MACROH2A2: variants seen among roughly 807,000 people sequenced by gnomAD.
The protein encoded by MACROH2A2 is macroH2A.2 histone.
Under a neutral mutation model 37.6 loss-of-function variants are expected in MACROH2A2, and 6 were observed. The observed-to-expected ratio is 0.16, with a 90% CI of 0.09 to 0.32. The LOEUF (loss-of-function observed/expected upper bound fraction) is 0.32, where lower values mean the gene tolerates loss of function less well. MACROH2A2 is among the 10% of genes least tolerant of loss of function. The probability of loss-of-function intolerance (pLI) is 1.00; values close to 1 mark genes in which losing one functional copy is unlikely to be tolerated. For synonymous variants in MACROH2A2, 192 were observed against 202.7 expected (o/e 0.95, Z 0.45); for missense variants, 290 against 485.9 (o/e 0.60, Z 3.79).
At chr10:70,097,345 T>A (rs2072281950) in intron 6 of MACROH2A2, among the ~76,000 whole-genome samples, 1 of 152,098 alleles carries the variant, frequency 6.6e-6, no homozygotes, top group South Asian at 2.1e-4. Flanking sequence ...CCCATAGGGG[T>A]GCTGTGATGG....
chr10:70,061,303 T>C (rs892993131), intron 1 of MACROH2A2, among the ~76,000 whole-genome samples: 7 of 152,264 alleles, frequency 4.6e-5, no homozygotes, highest in African/African-American at 1.7e-4. Context: ...GAAGGCAAAC[T>C]GGTTCATTTT....
At chr10:70,074,051 T>G (rs1016567000) in intron 1 of MACROH2A2, among the ~76,000 whole-genome samples, 1 of 152,214 alleles carries the variant, frequency 6.6e-6, no homozygotes, top group Non-Finnish European at 1.5e-5. Context: ...TTTTCTTTGC[T>G]CCTGACCGTT....
chr10:70,074,210 G>A (rs760909159), intron 1 of MACROH2A2, among the ~76,000 whole-genome samples: 1 of 152,170 alleles, frequency 6.6e-6, no homozygotes, highest in Non-Finnish European at 1.5e-5. Context: ...CCAGGAATAT[G>A]TGATTATTTT....
intron 1 of MACROH2A2, among the ~76,000 whole-genome samples, chr10:70,073,410 A>C (rs72642215): frequency 0.044 from 6,738 of 152,314 alleles, 448 homozygotes; most frequent in East Asian, 0.24. Context: ...ACAACGTGAT[A>C]AAACAACATG....
chr10:70,062,612 C>T (rs2072056286), intron 1 of MACROH2A2, among the ~76,000 whole-genome samples: 1 of 152,092 alleles, frequency 6.6e-6, no homozygotes, highest in Admixed American at 6.5e-5. Flanking sequence ...TAAAAATAAG[C>T]CGTCTCGTGA....
At chr10:70,102,673 T>A (rs1214411161) in intron 7 of MACROH2A2, among the ~76,000 whole-genome samples, 1 of 151,634 alleles carries the variant, frequency 6.6e-6, no homozygotes, top group Non-Finnish European at 1.5e-5. Context: ...GCCAAGATCG[T>A]GCCACTGCAC....
chr10:70,106,210 AC>A (rs1193388375), intron 7 of MACROH2A2, among the ~76,000 whole-genome samples: 1 of 152,174 alleles, frequency 6.6e-6, no homozygotes, highest in Non-Finnish European at 1.5e-5. Flanking sequence ...CAGCACTGCC[AC>A]CCTCAGAATG....
Position 70,075,888 on chromosome 10 carries a change from C to T in MACROH2A2, c.172+58C>T, listed in dbSNP as rs1478984692. 1.4e-6 allele frequency: 2 copies of T among 1,440,404 alleles called. No homozygotes were observed. Among genetic ancestry groups the T allele is most frequent in the African/African-American group, 1.4e-5 (1 of 71,476 alleles). 89.2% of individuals were successfully genotyped at this position (1,440,404 alleles called of 1,614,324 possible). A position where few individuals can be genotyped will look rare whatever the true frequency, so the allele number is the denominator to read the frequency against. ...CCCAGGTCCCCACCCTCCCCTGGGT[C>T]CCCCTCGCAGGCTGGGGAGGGATGC... is the stretch of plus-strand genomic sequence containing the variant. On this transcript the variant is annotated intron_variant, in intron 2 of 8. Transcript: ENST00000373255. The surrounding 1 kb of genome is among the most constrained non-coding windows in gnomAD (Gnocchi z 5.0).
At chr10:70,081,900 T>G (rs2072179154) in intron 2 of MACROH2A2, among the ~76,000 whole-genome samples, 1 of 152,218 alleles carries the variant, frequency 6.6e-6, no homozygotes, top group Non-Finnish European at 1.5e-5. Context: ...AACCCCATTT[T>G]CCATGATGTA....
rs1461182069 is a variant in MACROH2A2 at position 70,109,187 on chromosome 10, C to T, written c.933C>T (p.Phe311=). 2 of 1,613,904 alleles carry T rather than the reference C, an allele frequency of 1.2e-6. No individual in the cohort carries two copies. Among genetic ancestry groups the T allele is most frequent in the Middle Eastern group, 1.7e-4 (1 of 6,020 alleles). The part of the protein sequence containing the change: ...AEDKKLKSVA[F]PPFPSGRNCF... The stretch of plus-strand genomic sequence containing the variant: ...ACAAGAAGCTAAAGTCCGTCGCGTT[C>T]CCGCCTTTCCCCAGCGGCAGGTAAG... The change falls in exon 8 of 9, where the codon TTC becomes TTT. Residue 311 remains phenylalanine (F), a synonymous_variant. Coordinates refer to ENST00000373255, the MANE Select transcript of MACROH2A2 (RefSeq NM_018649.3).
intron 1 of MACROH2A2, among the ~76,000 whole-genome samples, chr10:70,066,319 C>A (rs2072079174): frequency 6.6e-6 from 1 of 152,092 alleles, no homozygotes; most frequent in East Asian, 1.9e-4. Context: ...CAGAGCAAGA[C>A]TCTCAAAAAA....
At chr10:70,079,565 G>GCGCGCGCACGCGCA (rs1386558755) in intron 2 of MACROH2A2, among the ~76,000 whole-genome samples, 4 of 126,216 alleles carry the variant, frequency 3.2e-5, no homozygotes, top group Non-Finnish European at 6.5e-5. Flanking sequence ...GCGCGCGCGC[G>GCGCGCGCACGCGCA]CACACACACA....
chr10:70,108,314 T>G (rs903695880), intron 7 of MACROH2A2, among the ~76,000 whole-genome samples: 17 of 152,176 alleles, frequency 1.1e-4, no homozygotes, highest in Non-Finnish European at 2.5e-4. Context: ...CAACACAAAT[T>G]TGTCTTCTTA....
intron 1 of MACROH2A2, among the ~76,000 whole-genome samples, chr10:70,064,988 T>TATCTGCCTATA (rs1564540571): frequency 6.6e-6 from 1 of 152,014 alleles, no homozygotes; most frequent in African/African-American, 2.4e-5. Context: ...AAAGCTCTTC[T>TATCTGCCTATA]ATCTGCCTAT....
rs1589843467 is a variant in MACROH2A2, at chr10:70,111,796, A to G, written c.*113A>G. ...GCAGGGGAGTGGAGGGTGGCCGGGC[A>G]GGTCCTGCCGGCGCAGGGAGCCCTC... On this transcript the variant is annotated 3_prime_UTR_variant, in exon 9 of 9. Coordinates refer to ENST00000373255, the MANE Select transcript of MACROH2A2 (RefSeq NM_018649.3). 2 of 896,996 alleles carry G rather than the reference A, an allele frequency of 2.2e-6. No homozygotes were observed. The highest frequency in any genetic ancestry group is 3.2e-6 in the Non-Finnish European group (2 of 633,436). The allele number at this position is 896,996 out of a possible 1,614,324, so 55.6% of individuals were successfully genotyped here.
intron 2 of MACROH2A2, among the ~76,000 whole-genome samples, chr10:70,083,262 C>A (rs2072191998): frequency 6.6e-6 from 1 of 152,204 alleles, no homozygotes; most frequent in African/African-American, 2.4e-5. Flanking sequence ...TAGAGACAAG[C>A]AGCCCCCAGA....
chr10:70,059,713 T>C (rs1034995912), intron 1 of MACROH2A2, among the ~76,000 whole-genome samples: 2 of 152,092 alleles, frequency 1.3e-5, no homozygotes, highest in Admixed American at 1.3e-4. Flanking sequence ...CCCTACGAGG[T>C]CTACTGATTT....
At chr10:70,061,557 C>T (rs2072050170) in intron 1 of MACROH2A2, among the ~76,000 whole-genome samples, 2 of 152,124 alleles carry the variant, frequency 1.3e-5, no homozygotes, top group Non-Finnish European at 2.9e-5. Context: ...GTCTTAGTAT[C>T]CTGCAGTAGC....
intron 2 of MACROH2A2, among the ~76,000 whole-genome samples, chr10:70,088,038 A>G (rs2072221519): frequency 1.3e-5 from 2 of 152,222 alleles, no homozygotes; most frequent in African/African-American, 4.8e-5. Context: ...AGACTCATAC[A>G]AAGTCATCTG....
Sources: gnomAD v4.1 joint callset for allele counts (sites outside exome capture counted in the v4.1 genomes callset) on GRCh38, gnomAD v4.1.1 for gene constraint, Gnocchi (gnomAD v3.1) non-coding constraint, MANE v1.5 for transcripts, NCBI Gene and HGNC (gene_info 2026-07-23, HGNC 2026-07-21) for gene names.